Variants in NCMAP observed in about 807,000 individuals in gnomAD.
NCMAP encodes the protein noncompact myelin-associated protein.
Under a neutral mutation model 7.8 loss-of-function variants are expected in NCMAP, and 8 were observed. The ratio of observed to expected loss-of-function variants is 1.02; its 90% CI spans 0.60 to 1.84. NCMAP has a LOEUF of 1.84. Among genes scored for constraint, NCMAP ranks in the 40% most tolerant of loss-of-function variants. The pLI, the probability that NCMAP is intolerant of heterozygous loss-of-function variation, is 0.00. For synonymous variants in NCMAP, 41 were observed against 52.9 expected, an observed-to-expected ratio of 0.78 and a Z score of 0.98; for missense variants, 112 against 131.4, an observed-to-expected ratio of 0.85 and a Z score of 0.72.
At chr1:24,589,274 C>T (rs1651976410) in intron 1 of NCMAP, among the ~76,000 whole-genome samples, 1 of 152,038 alleles carries the variant, frequency 6.6e-6, no homozygotes, top group South Asian at 2.1e-4. Flanking sequence ...ATGGTCATGG[C>T]CCCTGGTCTT....
chr1:24,604,626 A>ATGTGTGTGTGTG (rs1652651294), intron 3 of NCMAP, among the ~76,000 whole-genome samples: 1 of 68,118 alleles, frequency 1.5e-5, no homozygotes, highest in African/African-American at 8.9e-5. Flanking sequence ...ATATATATAT[A>ATGTGTGTGTGTG]TATATATATA....
chr1:24,582,872 T>A (rs1306282078), intron 1 of NCMAP, among the ~76,000 whole-genome samples: 1 of 152,240 alleles, frequency 6.6e-6, no homozygotes, highest in Non-Finnish European at 1.5e-5. Flanking sequence ...CTAACTTCTC[T>A]GAGCCTCAGC....
chr1:24,587,465 G>C (rs1651914113), intron 1 of NCMAP, among the ~76,000 whole-genome samples: 1 of 152,210 alleles, frequency 6.6e-6, no homozygotes, highest in Non-Finnish European at 1.5e-5. Context: ...TTCCATCGGT[G>C]AAAGTTTGAA....
At chr1:24,599,385 T>A (rs1652380480) in intron 2 of NCMAP, among the ~76,000 whole-genome samples, 1 of 151,578 alleles carries the variant, frequency 6.6e-6, no homozygotes, top group African/African-American at 2.4e-5. Context: ...TACAAGGACA[T>A]CATCACAGCC....
rs545255708 is a variant in NCMAP at position 24,583,492 on chromosome 1, TC to T, written c.-7-11931del. On this transcript the variant is annotated intron_variant, in intron 1 of 3. Coordinates refer to ENST00000374392, the MANE Select transcript of NCMAP (RefSeq NM_001010980.5). The stretch of plus-strand genomic sequence containing the variant: ...ACTTTGGGAGACCAAGGCGGGCGGA[TC>T]ACCTGAGGTCAGGAGTTCGAGACCA... Among the ~76,000 whole-genome samples the T allele has an allele frequency of 1.1e-4, 16 of 152,204 alleles. No homozygotes were observed. In the South Asian group the frequency reaches 3.3e-3, roughly 32 times the overall value.
chr1:24,585,045 G>A (rs1005582555), intron 1 of NCMAP, among the ~76,000 whole-genome samples: 4 of 152,070 alleles, frequency 2.6e-5, no homozygotes, highest in Non-Finnish European at 5.9e-5. Context: ...CAGAAAATGT[G>A]CTCCCTTATT....
At chr1:24,590,575 A>G (rs1291015606) in intron 1 of NCMAP, among the ~76,000 whole-genome samples, 1 of 152,002 alleles carries the variant, frequency 6.6e-6, no homozygotes. Context: ...AAATTCTCAT[A>G]CTTGTCTGTG....
At position 24,604,152 on chromosome 1, in the gene NCMAP, A is replaced by G. The variant is rs541720829; in HGVS notation, c.168-1454A>G. ...TCCTCCCATTAGGCCCCAGCTTTCA[A>G]TACTGTTGAATTAGGGATTAAGTTT... On this transcript the variant is annotated intron_variant, in intron 3 of 3. Transcript: ENST00000374392. Among the ~76,000 whole-genome samples, 5 of 152,288 alleles carry G rather than the reference A, an allele frequency of 3.3e-5. No homozygotes were observed. The East Asian group carries it at 9.6e-4, about 29-fold the overall frequency.
intron 1 of NCMAP, among the ~76,000 whole-genome samples, chr1:24,575,395 G>A (rs551126914): frequency 7.9e-5 from 12 of 152,076 alleles, no homozygotes; most frequent in Non-Finnish European, 1.3e-4. Context: ...GTCTTCATTC[G>A]TTCAGACAGG....
chr1:24,604,710 A>C (rs1219205624), intron 3 of NCMAP, among the ~76,000 whole-genome samples: 1 of 138,698 alleles, frequency 7.2e-6, no homozygotes, highest in Non-Finnish European at 1.5e-5. Context: ...GGCCAGGCAT[A>C]GTGGCACACA....
At chr1:24,577,802 T>C (rs984616502) in intron 1 of NCMAP, among the ~76,000 whole-genome samples, 1 of 152,030 alleles carries the variant, frequency 6.6e-6, no homozygotes, top group Non-Finnish European at 1.5e-5. Flanking sequence ...CTTAGTGCCT[T>C]ACGACAGCAG....
chr1:24,564,628 T>G (rs979784949), intron 1 of NCMAP, among the ~76,000 whole-genome samples: 3 of 131,926 alleles, frequency 2.3e-5, no homozygotes, highest in African/African-American at 8.9e-5. Context: ...ATTGACGAAA[T>G]AATGGAGATT....
chr1:24,597,671 G>GAA (rs367826750), intron 2 of NCMAP, among the ~76,000 whole-genome samples: 1 of 111,172 alleles, frequency 9.0e-6, no homozygotes, highest in African/African-American at 3.1e-5. Context: ...AAGAAAGAAA[G>GAA]AAAAGAAAAA....
chr1:24,578,917 G>T (rs1338297744), intron 1 of NCMAP, among the ~76,000 whole-genome samples: 1 of 152,134 alleles, frequency 6.6e-6, no homozygotes. Context: ...TCCAACAGAA[G>T]AGAAGAGTAG....
intron 1 of NCMAP, among the ~76,000 whole-genome samples, chr1:24,593,109 C>G (rs1203127201): frequency 2.0e-5 from 3 of 151,444 alleles, no homozygotes; most frequent in Non-Finnish European, 4.4e-5. Context: ...ACCCAGGAGA[C>G]AGAGGTTGCA....
chr1:24,584,946 A>G (rs1443856371), intron 1 of NCMAP, among the ~76,000 whole-genome samples: 3 of 87,316 alleles, frequency 3.4e-5, no homozygotes, highest in Non-Finnish European at 6.4e-5. Context: ...AACGGGTGGA[A>G]GGACTGTGTG....
chr1:24,581,615 A>G (rs1322255452), intron 1 of NCMAP, among the ~76,000 whole-genome samples: 1 of 152,234 alleles, frequency 6.6e-6, no homozygotes, highest in Non-Finnish European at 1.5e-5. Context: ...TGTCTGGGAA[A>G]GAGAGCCCAG....
intron 3 of NCMAP, among the ~76,000 whole-genome samples, chr1:24,603,846 T>C (rs1190835249): frequency 6.6e-6 from 1 of 152,212 alleles, no homozygotes; most frequent in African/African-American, 2.4e-5. Context: ...TAGTCAATTG[T>C]TCTGTGAAGG....
rs188392922 is a variant in NCMAP at position 24,591,031 on chromosome 1, C to T, written c.-7-4393C>T. ...GTTACTCATTCCAGCCCTTGCACGG[C>T]GAAGGAGAGAAGACCCAGACACTTT... is the stretch of plus-strand genomic sequence containing the variant. On this transcript the variant is annotated intron_variant, in intron 1 of 3. Coordinates refer to ENST00000374392, the MANE Select transcript of NCMAP (RefSeq NM_001010980.5). 6.6e-5 allele frequency among the ~76,000 whole-genome samples: 10 copies of T among 151,988 alleles called. No homozygotes were observed. The East Asian group carries it at 9.7e-4, about 15-fold the overall frequency.
Sources: gnomAD v4.1 joint callset for allele counts (sites outside exome capture counted in the v4.1 genomes callset) on GRCh38, gnomAD v4.1.1 for gene constraint, MANE v1.5 for transcripts, NCBI Gene and HGNC (gene_info 2026-07-23, HGNC 2026-07-21) for gene names.